Variants in CD38 observed in about 807,000 individuals in gnomAD.
CD38 encodes CD38 molecule, also known as ADP-ribosyl cyclase/cyclic ADP-ribose hydrolase 1.
A neutral mutation model predicts 36.3 loss-of-function variants in CD38; 31 were observed. The observed-to-expected ratio is 0.85, with a 90% CI of 0.64 to 1.15. CD38 has a LOEUF of 1.15. CD38 is among the 50% of genes most tolerant of loss of function. The pLI is 0.00. For synonymous variants in CD38, 131 were observed against 135.2 expected (o/e 0.97, Z 0.22); for missense variants, 380 against 371.9 (o/e 1.02, Z -0.18).
Position 15,848,748 on chromosome 4 carries a change from C to A in CD38, c.*146C>A. ...TGCCAGAGACGGAAGCCTTTTTCCC[C>A]AAAGTCTTAAAATAACTTATATCAT... is the stretch of plus-strand genomic sequence containing the variant. On this transcript the variant is annotated 3_prime_UTR_variant, in exon 8 of 8. Transcript: ENST00000226279. The A allele has an allele frequency of 1.8e-6, 1 of 565,826 alleles. No homozygotes were observed. The highest frequency in any genetic ancestry group is 3.2e-6 in the Non-Finnish European group (1 of 313,540). The allele number at this position is 565,826 out of a possible 1,614,324, so 35.1% of individuals were successfully genotyped here. A position where few individuals can be genotyped will look rare whatever the true frequency, so the allele number is the denominator to read the frequency against.
At chr4:15,803,504 A>G (rs1202647316) in intron 1 of CD38, among the ~76,000 whole-genome samples, 1 of 152,214 alleles carries the variant, frequency 6.6e-6, no homozygotes, top group Non-Finnish European at 1.5e-5. Flanking sequence ...TAAAATGGCC[A>G]CTAAGTATTT....
chr4:15,781,851 C>A (rs1722704573), intron 1 of CD38, among the ~76,000 whole-genome samples: 1 of 152,200 alleles, frequency 6.6e-6, no homozygotes. Flanking sequence ...TCATCAGTTG[C>A]TGCATAATAA....
At position 15,840,479 on chromosome 4, in the gene CD38, A is replaced by G; in HGVS notation, c.780A>G (p.Lys260=). The change falls in exon 7 of 8, where the codon AAA becomes AAG. Residue 260 remains lysine, a synonymous_variant. Coordinates refer to ENST00000226279, the MANE Select transcript of CD38 (RefSeq NM_001775.4). ...ACTTATGCCAGGATCCCACCATAAA[A>G]GAGCTGGAATCGATTATAAGCAAAA... is the stretch of plus-strand genomic sequence containing the variant. ...SRDLCQDPTI[K]ELESIISKRN... 6.2e-7 allele frequency: 1 copy of G among 1,606,058 alleles called. No individual in the cohort carries two copies. Among genetic ancestry groups the G allele is most frequent in the Non-Finnish European group, 8.5e-7 (1 of 1,173,160 alleles).
chr4:15,838,081 T>G lies in CD38; in HGVS notation c.586-11T>G. Reference sequence around the variant, plus strand: ...TTTGCATGATGAATGGTGGGCATTTTTTTTTTTAAGTTTGCAGAAGCTGCC... The same window carrying G: ...TTTGCATGATGAATGGTGGGCATTTGTTTTTTTAAGTTTGCAGAAGCTGCC... On this transcript the variant is annotated splice_polypyrimidine_tract_variant and intron_variant, in intron 4 of 7. Coordinates refer to ENST00000226279, the MANE Select transcript of CD38 (RefSeq NM_001775.4). 2.5e-6 allele frequency: 4 copies of G among 1,611,344 alleles called. No individual in the cohort carries two copies. Among genetic ancestry groups the G allele is most frequent in the Non-Finnish European group, 3.4e-6 (4 of 1,178,526 alleles).
At chr4:15,810,625 T>C (rs997654055) in intron 1 of CD38, among the ~76,000 whole-genome samples, 3 of 152,230 alleles carry the variant, frequency 2.0e-5, no homozygotes, top group African/African-American at 7.2e-5. Flanking sequence ...AGCTTTTTTT[T>C]CCTTAAATAT....
chr4:15,834,195 T>A (rs1724015255), intron 3 of CD38, 22 bp from the exon 4 acceptor site: 5 of 1,501,080 alleles, frequency 3.3e-6, no homozygotes, highest in Non-Finnish European at 3.7e-6. Context: ...CCACTTTATT[T>A]TCTACAAACT....
chr4:15,791,141 T>C (rs1722974404), intron 1 of CD38, among the ~76,000 whole-genome samples: 1 of 112,108 alleles, frequency 8.9e-6, no homozygotes, highest in South Asian at 3.1e-4. Flanking sequence ...GGAGCCCCTC[T>C]GCCCGGCCAG....
chr4:15,780,531 CACACA>C (rs1722670710), intron 1 of CD38, among the ~76,000 whole-genome samples: 1 of 149,404 alleles, frequency 6.7e-6, no homozygotes, highest in Non-Finnish European at 1.5e-5. Flanking sequence ...CACACACACA[CACACA>C]CACACACACA....
chr4:15,842,406 C>T (rs1445404511), intron 7 of CD38, among the ~76,000 whole-genome samples: 10 of 71,500 alleles, frequency 1.4e-4, no homozygotes, highest in Non-Finnish European at 2.5e-4. Context: ...GAAAACCCAT[C>T]TGTACATCAC....
intron 1 of CD38, among the ~76,000 whole-genome samples, chr4:15,783,906 C>G (rs888149809): frequency 1.5e-4 from 23 of 152,292 alleles, no homozygotes; most frequent in Non-Finnish European, 2.6e-4. Flanking sequence ...ACAACATGAG[C>G]AAAACAGCAA....
At chr4:15,835,465 C>T (rs1724049952) in intron 4 of CD38, among the ~76,000 whole-genome samples, 1 of 146,358 alleles carries the variant, frequency 6.8e-6, no homozygotes, top group Non-Finnish European at 1.5e-5. Flanking sequence ...GCAACCACCA[C>T]CTCCTAAGTT....
chr4:15,782,652 C>G (rs781428126), intron 1 of CD38, among the ~76,000 whole-genome samples: 1 of 152,164 alleles, frequency 6.6e-6, no homozygotes, highest in Non-Finnish European at 1.5e-5. Flanking sequence ...CCCCAGTGAA[C>G]GACCTAATAC....
intron 1 of CD38, among the ~76,000 whole-genome samples, chr4:15,787,642 G>A (rs918321621): frequency 1.3e-5 from 2 of 152,212 alleles, no homozygotes; most frequent in African/African-American, 4.8e-5. Context: ...AGAATGCCAC[G>A]TCCTCTCCTG....
chr4:15,840,372 G>C lies in CD38; in HGVS notation c.753-80G>C, dbSNP rs1300922585. On this transcript the variant is annotated intron_variant, in intron 6 of 7. Coordinates refer to ENST00000226279, the MANE Select transcript of CD38 (RefSeq NM_001775.4). Reference sequence around the variant, plus strand: ...CCTCTTTATCCAAGGGCCTTGTCCAGGGCGTGCTACAAAAACAAAGAGACT... The same window carrying C: ...CCTCTTTATCCAAGGGCCTTGTCCACGGCGTGCTACAAAAACAAAGAGACT... 4.9e-5 allele frequency: 46 copies of C among 937,386 alleles called. 1 individual carries two copies. The South Asian group carries it at 5.3e-4, about 11-fold the overall frequency. The allele number at this position is 937,386 out of a possible 1,614,324, so 58.1% of individuals were successfully genotyped here.
At chr4:15,822,278 G>A (rs567465233) in intron 2 of CD38, among the ~76,000 whole-genome samples, 3 of 152,106 alleles carry the variant, frequency 2.0e-5, no homozygotes, top group Admixed American at 1.3e-4. Context: ...CTTGAAAACC[G>A]GCACAAGACA....
chr4:15,810,208 A>G (rs1723440056), intron 1 of CD38, among the ~76,000 whole-genome samples: 2 of 152,220 alleles, frequency 1.3e-5, no homozygotes, highest in South Asian at 4.1e-4. Context: ...TGTTTCTTGA[A>G]GTAGGATATA....
intron 1 of CD38, among the ~76,000 whole-genome samples, chr4:15,792,190 G>A (rs1307284816): frequency 6.4e-5 from 6 of 93,250 alleles, no homozygotes; most frequent in Non-Finnish European, 1.0e-4. Context: ...TAAGGGCGGT[G>A]CAAGATGTGC....
chr4:15,840,261 T>C (rs1031503340), intron 6 of CD38, 143 bp downstream of exon 6: 7 of 734,816 alleles, frequency 9.5e-6, no homozygotes, highest in Middle Eastern at 4.8e-4. Context: ...GCCTCTTAAC[T>C]TTATCTCCAC....
intron 1 of CD38, among the ~76,000 whole-genome samples, chr4:15,779,377 T>C (rs2148911916): frequency 6.6e-6 from 1 of 152,218 alleles, no homozygotes; most frequent in Non-Finnish European, 1.5e-5. Flanking sequence ...GACCTTCCAG[T>C]TTTCTCATGC....
Sources: gnomAD v4.1 joint callset for allele counts (sites outside exome capture counted in the v4.1 genomes callset) on GRCh38, gnomAD v4.1.1 for gene constraint, MANE v1.5 for transcripts, NCBI Gene and HGNC (gene_info 2026-07-23, HGNC 2026-07-21) for gene names.